The following SUMF1 variants were observed in gnomAD, a reference collection of about 807,000 sequenced individuals.
SUMF1 encodes the protein sulfatase modifying factor 1, also known as formylglycine-generating enzyme.
In SUMF1, 48 loss-of-function variants were observed where a neutral mutation model predicts 47.6. The observed-to-expected ratio is 1.01, with a 90% CI of 0.80 to 1.28. The LOEUF (loss-of-function observed/expected upper bound fraction) is 1.28, where lower values mean the gene tolerates loss of function less well. Among genes scored for constraint, SUMF1 ranks in the 50% most tolerant of loss-of-function variants. SUMF1 has a pLI of 0.00. For missense variants in SUMF1, 571 were observed against 485.4 expected (o/e 1.18, Z -1.66); for synonymous variants, 230 against 192.1 (o/e 1.20, Z -1.63).
At chr3:4,359,750 A>G (rs374340013), downstream of SUMF1, among the ~76,000 whole-genome samples, 3 of 152,124 alleles carry the variant, frequency 2.0e-5, no homozygotes, top group East Asian at 5.8e-4. Context: ...CCATGATTCA[A>G]TTACTCCCAC....
At chr3:4,275,449 G>A (rs902349197) in intron 8 of SUMF1, among the ~76,000 whole-genome samples, 2 of 152,068 alleles carry the variant, frequency 1.3e-5, no homozygotes, top group African/African-American at 4.8e-5. Flanking sequence ...GCAGAAGAGG[G>A]ATGGTCTCTT....
intron 8 of SUMF1, among the ~76,000 whole-genome samples, chr3:4,102,067 C>G (rs182027081): frequency 6.6e-6 from 1 of 152,156 alleles, no homozygotes; most frequent in Non-Finnish European, 1.5e-5. Context: ...ATGGGGGTAA[C>G]TGCCTCCATG....
At chr3:4,132,758 A>C (rs369838238) in intron 8 of SUMF1, among the ~76,000 whole-genome samples, 1 of 152,168 alleles carries the variant, frequency 6.6e-6, no homozygotes, top group Non-Finnish European at 1.5e-5. Context: ...AGGGAGTTAC[A>C]GTGTTGGCTG....
At chr3:4,073,265 C>T (rs1470005084) in intron 8 of SUMF1, among the ~76,000 whole-genome samples, 2 of 152,172 alleles carry the variant, frequency 1.3e-5, no homozygotes, top group Non-Finnish European at 2.9e-5. Flanking sequence ...AAATAAGATC[C>T]TTTACAGAGA....
At chr3:4,461,728 T>G (rs2079819731) in intron 1 of SUMF1, among the ~76,000 whole-genome samples, 1 of 152,070 alleles carries the variant, frequency 6.6e-6, no homozygotes, top group African/African-American at 2.4e-5. Flanking sequence ...CCTGGATCAC[T>G]CTGAGTGGAT....
At chr3:4,286,708 G>GT (rs1396325427) in intron 8 of SUMF1, among the ~76,000 whole-genome samples, 3 of 152,254 alleles carry the variant, frequency 2.0e-5, no homozygotes, top group South Asian at 4.1e-4. Flanking sequence ...GTTCAAAGAT[G>GT]TTTTATCAGT....
intron 8 of SUMF1, among the ~76,000 whole-genome samples, chr3:4,106,806 G>A (rs1021364683): frequency 1.3e-5 from 2 of 151,946 alleles, no homozygotes; most frequent in East Asian, 1.9e-4. Context: ...AGAAACCCTC[G>A]ATAACTCCTG....
chr3:4,343,597 C>A lies in SUMF1; in HGVS notation c.1014+32733G>T, dbSNP rs144381330. ...TCATTCCTCTCCCCTGACAACTATGCCTGCACCCTACAGAAGAATTTCTCC... is the reference window on the plus strand; with the variant it reads ...TCATTCCTCTCCCCTGACAACTATGACTGCACCCTACAGAAGAATTTCTCC... On this transcript the variant is annotated intron_variant and NMD_transcript_variant, in intron 8 of 12. Transcript: ENST00000448413. Among the ~76,000 whole-genome samples, 32 of 152,308 alleles carry A rather than the reference C, an allele frequency of 2.1e-4. No homozygotes were observed. In the East Asian group the frequency reaches 6.0e-3, roughly 28 times the overall value.
At position 4,316,659 on chromosome 3, in the gene SUMF1, G is replaced by C. The variant is rs1169067557; in HGVS notation, c.1014+59671C>G. ...ACGCAACCACAACGAACCATTTCTC[G>C]ATCGGATTGTGACGTGTGATGAAAA... On this transcript the variant is annotated intron_variant and NMD_transcript_variant, in intron 8 of 12. Coordinates refer to the SUMF1 transcript ENST00000448413. 3.9e-6 allele frequency: 6 copies of C among 1,551,158 alleles called. No homozygotes were observed. The South Asian group carries it at 7.1e-5, about 18-fold the overall frequency.
At chr3:4,056,198 G>A (rs1040324377) in intron 9 of SUMF1, among the ~76,000 whole-genome samples, 6 of 152,010 alleles carry the variant, frequency 3.9e-5, no homozygotes, top group African/African-American at 1.4e-4. Context: ...ACATCTTTAG[G>A]GACCATTATT....
At chr3:4,349,562 T>C (rs1021174042) in intron 8 of SUMF1, among the ~76,000 whole-genome samples, 1 of 152,180 alleles carries the variant, frequency 6.6e-6, no homozygotes, top group African/African-American at 2.4e-5. Context: ...CTATTTACGA[T>C]AGCAAAGACA....
At chr3:4,391,362 T>C (rs2124929163) in intron 7 of SUMF1, among the ~76,000 whole-genome samples, 1 of 152,340 alleles carries the variant, frequency 6.6e-6, no homozygotes, top group South Asian at 2.1e-4. Context: ...CAAATTTTTG[T>C]CCCTTTTGCT....
chr3:4,399,699 T>G (rs944173538), intron 7 of SUMF1, among the ~76,000 whole-genome samples: 2 of 152,222 alleles, frequency 1.3e-5, no homozygotes, highest in African/African-American at 4.8e-5. Context: ...GAAGACAGGA[T>G]GCCAACTCTG....
intron 8 of SUMF1, among the ~76,000 whole-genome samples, chr3:4,265,714 G>A (rs1697179175): frequency 6.6e-6 from 1 of 152,154 alleles, no homozygotes; most frequent in Non-Finnish European, 1.5e-5. Flanking sequence ...CTTTTGCTGT[G>A]TAGAAGCTCT....
At chr3:4,254,200 G>T (rs1286901609) in intron 8 of SUMF1, among the ~76,000 whole-genome samples, 1 of 152,022 alleles carries the variant, frequency 6.6e-6, no homozygotes, top group South Asian at 2.1e-4. Context: ...CTAAAAAGCA[G>T]AGCGCCTCTC....
At chr3:4,309,180 A>G (rs1391738839) in intron 8 of SUMF1, among the ~76,000 whole-genome samples, 1 of 152,222 alleles carries the variant, frequency 6.6e-6, no homozygotes, top group East Asian at 1.9e-4. Flanking sequence ...TGAAGCCTCC[A>G]GGTAGCAGGC....
chr3:4,303,879 C>T (rs372885025), intron 8 of SUMF1: 4 of 1,277,612 alleles, frequency 3.1e-6, no homozygotes, highest in Non-Finnish European at 3.1e-6. Context: ...GTAGGATAAG[C>T]CGTGGGGCCT....
chr3:4,191,581 A>G (rs554690143), intron 8 of SUMF1, among the ~76,000 whole-genome samples: 2 of 152,292 alleles, frequency 1.3e-5, no homozygotes, highest in East Asian at 3.9e-4. Flanking sequence ...AAGCAGGAGT[A>G]GAGGCAGGTA....
intron 8 of SUMF1, among the ~76,000 whole-genome samples, chr3:4,165,727 T>C (rs924894351): frequency 6.6e-6 from 1 of 151,750 alleles, no homozygotes; most frequent in African/African-American, 2.4e-5. Context: ...CAGAAAAAAA[T>C]GAGCCACTTC....
Sources: allele counts gnomAD v4.1 joint callset (sites outside exome capture counted in the v4.1 genomes callset), GRCh38; gene constraint gnomAD v4.1.1; transcripts MANE v1.5; gene names NCBI Gene and HGNC (gene_info 2026-07-23, HGNC 2026-07-21).